Variants in MFAP3 observed in about 807,000 individuals in gnomAD.
MFAP3 encodes microfibril-associated glycoprotein 3.
MFAP3 carries 8 observed loss-of-function variants against 20.5 expected under a neutral mutation model. That is an observed-to-expected ratio of 0.39 (90% confidence interval 0.23 to 0.70). The LOEUF (loss-of-function observed/expected upper bound fraction) is 0.70. Among genes scored for constraint, MFAP3 ranks in the 30% least tolerant of loss-of-function variants. MFAP3 has a pLI of 0.44. For missense variants in MFAP3, 398 were observed against 444.6 expected, an observed-to-expected ratio of 0.90 and a Z score of 0.94; for synonymous variants, 140 against 154.0, an observed-to-expected ratio of 0.91 and a Z score of 0.67.
intron 1 of MFAP3, among the ~76,000 whole-genome samples, chr5:154,040,845 G>C (rs1027721680): frequency 6.6e-6 from 1 of 152,094 alleles, no homozygotes; most frequent in African/African-American, 2.4e-5. Flanking sequence ...ACTCAAGATA[G>C]GTGTCTTTCT....
chr5:154,046,532 G>A (rs1433898091), intron 1 of MFAP3, among the ~76,000 whole-genome samples: 1 of 152,168 alleles, frequency 6.6e-6, no homozygotes, highest in Non-Finnish European at 1.5e-5. Flanking sequence ...TACGGTAGGT[G>A]GGGAGGGCTC....
At position 154,055,626 on chromosome 5, in the gene MFAP3, T is replaced by C. The variant is rs1773311413; in HGVS notation, c.*1913T>C. On this transcript the variant is annotated 3_prime_UTR_variant, in exon 3 of 3. Transcript: ENST00000522782. ...TTCCCTTCCCTTTTCTCTGGAAAAA[T>C]TAAATTTTTTTTCTGTCCACTGAGA... Among the ~76,000 whole-genome samples the C allele has an allele frequency of 1.3e-5, 2 of 152,068 alleles. No individual in the cohort carries two copies. The highest frequency in any genetic ancestry group is 2.4e-5 in the African/African-American group (1 of 41,404).
intron 1 of MFAP3, among the ~76,000 whole-genome samples, chr5:154,045,768 T>A (rs1016496479): frequency 1.3e-4 from 20 of 152,348 alleles, no homozygotes; most frequent in African/African-American, 4.3e-4. Context: ...ACAGATCGTA[T>A]TTGAATCCTA....
At chr5:154,050,610 C>CTTT (rs11167656) in intron 2 of MFAP3, among the ~76,000 whole-genome samples, 1,196 of 93,006 alleles carry the variant, frequency 0.013, 1 homozygote, top group Non-Finnish European at 0.015. Context: ...CCTTCCAGCT[C>CTTT]TTTTTTTTTT....
chr5:154,042,318 G>A (rs768871213), intron 1 of MFAP3, among the ~76,000 whole-genome samples: 2 of 152,208 alleles, frequency 1.3e-5, no homozygotes, highest in Non-Finnish European at 2.9e-5. Flanking sequence ...AAGGATATAA[G>A]TTATGGGTAT....
intron 1 of MFAP3, among the ~76,000 whole-genome samples, chr5:154,046,280 ATT>A (rs1263249691): frequency 6.6e-6 from 1 of 152,212 alleles, no homozygotes; most frequent in East Asian, 1.9e-4. Context: ...GTTTCAGAGA[ATT>A]TATAATAGGC....
At position 154,053,796 on chromosome 5, in the gene MFAP3, G is replaced by A; in HGVS notation, c.*83G>A. The A allele has an allele frequency of 7.6e-7, 1 of 1,317,426 alleles. No individual in the cohort carries two copies. The highest frequency in any genetic ancestry group is 1.0e-6 in the Non-Finnish European group (1 of 955,330). The allele number at this position is 1,317,426 out of a possible 1,614,324, so 81.6% of individuals were successfully genotyped here. A position where few individuals can be genotyped will look rare whatever the true frequency, so the allele number is the denominator to read the frequency against. On this transcript the variant is annotated 3_prime_UTR_variant, in exon 3 of 3. Transcript: ENST00000522782. The stretch of plus-strand genomic sequence containing the variant: ...GTTTCTTAGAAGAAGTAACATTTTT[G>A]CCAAAAGATGACTGGGGTTTTCCGT...
chr5:154,043,478 G>C (rs563019546), intron 1 of MFAP3, among the ~76,000 whole-genome samples: 80 of 150,642 alleles, frequency 5.3e-4, no homozygotes, highest in South Asian at 4.2e-4. Flanking sequence ...TTGAACCTGG[G>C]GGGTGGAGGT....
At chr5:154,039,848 C>T (rs1274565472) in intron 1 of MFAP3, among the ~76,000 whole-genome samples, 1 of 152,106 alleles carries the variant, frequency 6.6e-6, no homozygotes, top group Non-Finnish European at 1.5e-5. Flanking sequence ...CATTTAATGC[C>T]CTCGGAATTA....
rs1773352327 is a variant in MFAP3, at chr5:154,057,134, G to T, written c.*3421G>T. Among the ~76,000 whole-genome samples, 1 of 152,104 alleles carries T rather than the reference G, an allele frequency of 6.6e-6. No homozygotes were observed. Among genetic ancestry groups the T allele is most frequent in the South Asian group, 2.1e-4 (1 of 4,826 alleles). On this transcript the variant is annotated 3_prime_UTR_variant, in exon 3 of 3. Coordinates refer to ENST00000522782, the MANE Select transcript of MFAP3 (RefSeq NM_005927.5). ...TTTTCTAGAGCCCAGCCAGTCATGG[G>T]TGCTAGCCTAGTCTCCACACACCAG...
Position 154,053,723 on chromosome 5 carries a change from C to T in MFAP3, c.*10C>T, listed in dbSNP as rs765939385. ...AAACTGTCAGCTGTAACCTACAATG[C>T]TGTAACCCAGTACCTACAAAATCAG... On this transcript the variant is annotated 3_prime_UTR_variant, in exon 3 of 3. Coordinates refer to ENST00000522782, the MANE Select transcript of MFAP3 (RefSeq NM_005927.5). 1 of 1,595,626 alleles carries T rather than the reference C, an allele frequency of 6.3e-7. No homozygotes were observed. The highest frequency in any genetic ancestry group is 1.7e-5 in the Admixed American group (1 of 58,752).
At chr5:154,042,372 A>G (rs1318698071) in intron 1 of MFAP3, among the ~76,000 whole-genome samples, 1 of 152,240 alleles carries the variant, frequency 6.6e-6, no homozygotes, top group East Asian at 1.9e-4. Flanking sequence ...TGATAAATAC[A>G]GACGATGTTT....
chr5:154,051,259 C>G (rs898626307), intron 2 of MFAP3, among the ~76,000 whole-genome samples: 3 of 152,202 alleles, frequency 2.0e-5, no homozygotes, highest in African/African-American at 7.2e-5. Flanking sequence ...GACCAAACAC[C>G]TCTGAGATCT....
intron 1 of MFAP3, among the ~76,000 whole-genome samples, chr5:154,048,303 C>T (rs897631782): frequency 4.6e-5 from 7 of 152,038 alleles, no homozygotes; most frequent in Non-Finnish European, 7.4e-5. Flanking sequence ...CTCTGTATAC[C>T]CCATCCTTAA....
chr5:154,043,405 G>T (rs999890349), intron 1 of MFAP3, among the ~76,000 whole-genome samples: 1 of 152,052 alleles, frequency 6.6e-6, no homozygotes, highest in Non-Finnish European at 1.5e-5. Flanking sequence ...CAAAAAATTA[G>T]CCAGGCGTGG....
chr5:154,040,211 T>C (rs1159017413), intron 1 of MFAP3, among the ~76,000 whole-genome samples: 1 of 152,254 alleles, frequency 6.6e-6, no homozygotes, highest in Non-Finnish European at 1.5e-5. Flanking sequence ...GGTTTTTGTT[T>C]ATAATAGCTA....
In MFAP3 at chr5:154,056,509, T is replaced by A. The variant is rs775956304; in HGVS notation, c.*2796T>A. ...CTAAAAGTCTTGATGGTAACTATAG[T>A]GTAATTATCTTTTTGTCTCACTGGA... On this transcript the variant is annotated 3_prime_UTR_variant, in exon 3 of 3. Coordinates refer to ENST00000522782, the MANE Select transcript of MFAP3 (RefSeq NM_005927.5). Among the ~76,000 whole-genome samples the A allele has an allele frequency of 5.3e-5, 8 of 152,348 alleles. No individual in the cohort carries two copies. The highest frequency in any genetic ancestry group is 1.2e-4 in the Non-Finnish European group (8 of 68,028).
intron 2 of MFAP3, among the ~76,000 whole-genome samples, chr5:154,051,476 A>G (rs1274580866): frequency 1.3e-5 from 2 of 152,216 alleles, no homozygotes; most frequent in Admixed American, 1.3e-4. Context: ...GAGTTTAAAG[A>G]GCATGTCAGT....
Position 154,053,278 on chromosome 5 carries a change from C to T in MFAP3, c.654C>T (p.Ala218=), listed in dbSNP as rs779278976. ...IITSAKTLEL[A]KVTQFKTMEF... is the part of the protein sequence containing the mutation. ...CCTCAGCCAAAACTCTGGAGCTCGC[C>T]AAAGTCACACAATTTAAGACCATGG... Residue 218 remains alanine (A), a synonymous_variant, in exon 3 of 3, where the codon GCC becomes GCT. Coordinates refer to ENST00000522782, the MANE Select transcript of MFAP3 (RefSeq NM_005927.5). The T allele has an allele frequency of 1.2e-6, 2 of 1,614,000 alleles. No individual in the cohort carries two copies. The highest frequency in any genetic ancestry group is 1.7e-6 in the Non-Finnish European group (2 of 1,179,926).
Sources: gnomAD v4.1 joint callset for allele counts (sites outside exome capture counted in the v4.1 genomes callset) on GRCh38, gnomAD v4.1.1 for gene constraint, MANE v1.5 for transcripts, NCBI Gene and HGNC (gene_info 2026-07-23, HGNC 2026-07-21) for gene names.